The following CANX variants were observed in gnomAD, a reference collection of about 807,000 sequenced individuals.
CANX encodes epididymis secretory sperm binding protein.
In CANX, 14 loss-of-function variants were observed where a neutral mutation model predicts 75.7. The ratio of observed to expected loss-of-function variants is 0.19; its 90% CI spans 0.12 to 0.29. The LOEUF is 0.29. Among genes scored for constraint, CANX ranks in the 10% least tolerant of loss-of-function variants. The probability of loss-of-function intolerance (pLI) is 1.00; values close to 1 mark genes in which losing one functional copy is unlikely to be tolerated. For synonymous variants in CANX, 227 were observed against 236.9 expected (o/e 0.96, Z 0.38); for missense variants, 567 against 713.2 (o/e 0.79, Z 2.34).
At chr5:179,693,772 G>A (rs1177229854), upstream of CANX, among the ~76,000 whole-genome samples, 1 of 151,938 alleles carries the variant, frequency 6.6e-6, no homozygotes, top group Non-Finnish European at 1.5e-5. Context: ...GAGCCCAGAA[G>A]TTTGAGGCTG....
chr5:179,715,379 A>T (rs1194048226), intron 7 of CANX, among the ~76,000 whole-genome samples: 1 of 152,022 alleles, frequency 6.6e-6, no homozygotes, highest in Non-Finnish European at 1.5e-5. Context: ...CTTAAAATAC[A>T]AAAAATTAGC....
Position 179,720,326 on chromosome 5 carries a change from G to A in CANX, c.1026-78G>A, listed in dbSNP as rs112318063. On this transcript the variant is annotated intron_variant, in intron 9 of 14. Transcript: ENST00000247461. ...TGTGAAAACATTTCAGCAGGATCTT[G>A]GCAGCCCTGGGCCAGCCAGCTGTTC... The A allele has an allele frequency of 4.4e-3, 4,763 of 1,077,126 alleles. 135 individuals carry two copies. The African/African-American group carries it at 0.058, about 13-fold the overall frequency. 66.7% of individuals were successfully genotyped at this position (1,077,126 alleles called of 1,614,324 possible).
upstream of CANX, chr5:179,694,481 C>A (rs952851277): frequency 8.9e-5 from 66 of 742,006 alleles, no homozygotes; most frequent in Admixed American, 1.2e-3. Context: ...CATCTGGATT[C>A]TTCCTGTTCT....
At chr5:179,724,602 A>G in intron 12 of CANX, 55 bp from the exon 13 acceptor site, 1 of 1,486,120 alleles carries the variant, frequency 6.7e-7, no homozygotes, top group South Asian at 1.1e-5. Flanking sequence ...TTCAGGAATT[A>G]TATAACATAA....
intron 1 of CANX, chr5:179,704,463 G>T (rs1374890159): frequency 6.6e-6 from 1 of 151,768 alleles, no homozygotes; most frequent in Non-Finnish European, 1.5e-5. Flanking sequence ...GGAGGCGGAG[G>T]TTGCAGTGAG....
intron 1 of CANX, among the ~76,000 whole-genome samples, chr5:179,701,570 AG>A (rs2113101087): frequency 6.6e-6 from 1 of 151,930 alleles, no homozygotes; most frequent in Admixed American, 6.6e-5. Context: ...ACTCCATCTC[AG>A]GAAAAACAAA....
chr5:179,707,019 G>A (rs1179267945), intron 3 of CANX, 113 bp from the exon 4 acceptor site: 2 of 689,680 alleles, frequency 2.9e-6, no homozygotes, highest in Non-Finnish European at 5.4e-6. Context: ...TGGAAGTAGA[G>A]TGGTTAAATA....
chr5:179,727,744 GA>G (rs1778758368), intron 14 of CANX, among the ~76,000 whole-genome samples: 1 of 152,206 alleles, frequency 6.6e-6, no homozygotes, highest in South Asian at 2.1e-4. Context: ...AATCATCTAG[GA>G]AAGATACGGT....
At chr5:179,697,251 CAG>C (rs1491583732), upstream of CANX, among the ~76,000 whole-genome samples, 1 of 151,836 alleles carries the variant, frequency 6.6e-6, no homozygotes, top group Non-Finnish European at 1.5e-5. Flanking sequence ...TTTGTAGAGA[CAG>C]GGGTCTCACT....
At chr5:179,698,400 C>G, upstream of CANX, 1 of 1,231,574 alleles carries the variant, frequency 8.1e-7, no homozygotes, top group South Asian at 1.3e-5. Context: ...GCGGCGCCGG[C>G]TCACACAGCG....
chr5:179,712,266 T>C (rs1273891655), intron 7 of CANX, among the ~76,000 whole-genome samples: 1 of 152,130 alleles, frequency 6.6e-6, no homozygotes, highest in Non-Finnish European at 1.5e-5. Flanking sequence ...AAGTATCTTG[T>C]AGTTGAACTT....
intron 7 of CANX, chr5:179,715,861 T>C: frequency 1.8e-6 from 1 of 565,266 alleles, no homozygotes; most frequent in Non-Finnish European, 3.2e-6. Flanking sequence ...AAGTCTTTGG[T>C]GTTAAAGATT....
At chr5:179,707,083 A>G in intron 3 of CANX, 49 bp from the exon 4 acceptor site, 1 of 1,120,678 alleles carries the variant, frequency 8.9e-7, no homozygotes, top group Non-Finnish European at 1.4e-6. Flanking sequence ...ATTTTCCCTC[A>G]CAAGTCAACT....
intron 1 of CANX, chr5:179,680,816 A>C (rs2127761378): frequency 2.1e-6 from 3 of 1,397,280 alleles, no homozygotes; most frequent in Non-Finnish European, 2.9e-6. Context: ...TGCCTTCGTT[A>C]ATTCATAATA....
intron 1 of CANX, chr5:179,680,799 T>C: frequency 8.0e-7 from 1 of 1,247,078 alleles, no homozygotes; most frequent in Non-Finnish European, 1.1e-6. Flanking sequence ...CAGGGTTCCC[T>C]CTGTTATGCC....
chr5:179,693,961 A>G (rs557598423), upstream of CANX, among the ~76,000 whole-genome samples: 1 of 152,094 alleles, frequency 6.6e-6, no homozygotes, highest in Admixed American at 6.6e-5. Context: ...CTTTAGAGAA[A>G]TGACCATTAC....
chr5:179,709,741 T>C (rs1777397985), intron 6 of CANX, 132 bp from the exon 7 acceptor site: 1 of 572,690 alleles, frequency 1.7e-6, no homozygotes, highest in Non-Finnish European at 3.0e-6. Context: ...AACAAACTTG[T>C]AGTTAGCTTT....
At chr5:179,720,628 G>C in intron 10 of CANX, 68 bp downstream of exon 10, 1 of 1,416,756 alleles carries the variant, frequency 7.1e-7, no homozygotes. Context: ...GTTTTATCTA[G>C]AGTAAGGCTG....
chr5:179,692,484 G>A (rs1186615930), intron 1 of CANX, among the ~76,000 whole-genome samples: 1 of 151,970 alleles, frequency 6.6e-6, no homozygotes, highest in Non-Finnish European at 1.5e-5. Flanking sequence ...AATGGAGGAT[G>A]ATCACTTGGA....
Sources: gnomAD v4.1 joint callset for allele counts (sites outside exome capture counted in the v4.1 genomes callset) on GRCh38, gnomAD v4.1.1 for gene constraint, MANE v1.5 for transcripts, NCBI Gene and HGNC (gene_info 2026-07-23, HGNC 2026-07-21) for gene names.